Variants in AGBL4 observed in about 807,000 individuals in gnomAD.
AGBL4 encodes AGBL carboxypeptidase 4.
In AGBL4, 58 loss-of-function variants were observed where a neutral mutation model predicts 66.4. The observed-to-expected ratio is 0.87, with a 90% CI of 0.71 to 1.09. The LOEUF is 1.09. Among genes scored for constraint, AGBL4 ranks in the 50% least tolerant of loss-of-function variants. The pLI is 0.00. For missense variants in AGBL4, 579 were observed against 631.0 expected (o/e 0.92, Z 0.88); for synonymous variants, 234 against 222.9 (o/e 1.05, Z -0.44).
chr1:49,119,754 G>C (rs909142846), intron 4 of AGBL4, among the ~76,000 whole-genome samples: 2 of 152,112 alleles, frequency 1.3e-5, no homozygotes, highest in Admixed American at 6.6e-5. Flanking sequence ...GGATATCTTT[G>C]TTACCCTGCT....
chr1:48,870,121 T>C (rs1405153521), intron 5 of AGBL4, among the ~76,000 whole-genome samples: 1 of 152,082 alleles, frequency 6.6e-6, no homozygotes, highest in Non-Finnish European at 1.5e-5. Flanking sequence ...AAGTCTTCTT[T>C]GAACACCACC....
chr1:49,212,030 G>C (rs758862310), intron 4 of AGBL4, among the ~76,000 whole-genome samples: 15 of 152,020 alleles, frequency 9.9e-5, no homozygotes, highest in Non-Finnish European at 1.9e-4. Flanking sequence ...TGATTTTACA[G>C]ATGGTGAAAC....
chr1:49,406,061 C>T (rs1645190326), intron 3 of AGBL4, among the ~76,000 whole-genome samples: 1 of 152,194 alleles, frequency 6.6e-6, no homozygotes, highest in Non-Finnish European at 1.5e-5. Flanking sequence ...AACATAGCAG[C>T]AATGTATTCC....
intron 6 of AGBL4, among the ~76,000 whole-genome samples, chr1:48,791,138 T>G (rs1645540202): frequency 6.6e-6 from 1 of 152,216 alleles, no homozygotes; most frequent in East Asian, 1.9e-4. Flanking sequence ...ACCAAATCAA[T>G]AATGAAGCTC....
chr1:49,344,884 A>G (rs2148510417), intron 3 of AGBL4, among the ~76,000 whole-genome samples: 1 of 152,332 alleles, frequency 6.6e-6, no homozygotes, highest in South Asian at 2.1e-4. Context: ...GAAAAGAGAC[A>G]ACATGAGTAA....
intron 9 of AGBL4, among the ~76,000 whole-genome samples, chr1:48,595,488 G>A (rs936562143): frequency 6.6e-6 from 1 of 152,184 alleles, no homozygotes; most frequent in Non-Finnish European, 1.5e-5. Flanking sequence ...CAAATGTAGG[G>A]CCCTGAATTA....
At chr1:48,902,364 A>G (rs1225107172) in intron 5 of AGBL4, among the ~76,000 whole-genome samples, 2 of 152,332 alleles carry the variant, frequency 1.3e-5, no homozygotes, top group Non-Finnish European at 2.9e-5. Context: ...GGAAGGCACA[A>G]GTGAGTTTAC....
chr1:50,014,744 C>T (rs1461611107), intron 1 of AGBL4, among the ~76,000 whole-genome samples: 1 of 151,852 alleles, frequency 6.6e-6, no homozygotes, highest in African/African-American at 2.4e-5. Context: ...AGGCTGGTCT[C>T]GAACTCCTGA....
intron 11 of AGBL4, among the ~76,000 whole-genome samples, chr1:48,568,614 C>T (rs2798108): frequency 0.22 from 32,769 of 152,106 alleles, 4,142 homozygotes; most frequent in Middle Eastern, 0.35. Context: ...ATTAGTGGGG[C>T]TAGGAAGAAT....
intron 4 of AGBL4, among the ~76,000 whole-genome samples, chr1:49,172,932 C>A (rs921807894): frequency 1.9e-4 from 29 of 151,942 alleles, no homozygotes; most frequent in African/African-American, 5.8e-4. Flanking sequence ...TTGAGACCAG[C>A]CTGACCAAAA....
intron 4 of AGBL4, among the ~76,000 whole-genome samples, chr1:49,209,465 T>A (rs1648496063): frequency 6.6e-6 from 1 of 152,132 alleles, no homozygotes; most frequent in African/African-American, 2.4e-5. Flanking sequence ...CCCTCATTTT[T>A]GATACTCTAT....
chr1:48,594,910 T>TA (rs1644972761), intron 9 of AGBL4, among the ~76,000 whole-genome samples: 1 of 151,888 alleles, frequency 6.6e-6, no homozygotes, highest in Non-Finnish European at 1.5e-5. Flanking sequence ...TAGCTACACG[T>TA]AAAAAAATGA....
intron 1 of AGBL4, among the ~76,000 whole-genome samples, chr1:49,893,573 C>G (rs1162773327): frequency 2.6e-5 from 4 of 152,130 alleles, no homozygotes; most frequent in Non-Finnish European, 5.9e-5. Flanking sequence ...CGAACATTGA[C>G]AATAGCCTGA....
intron 5 of AGBL4, among the ~76,000 whole-genome samples, chr1:48,991,331 C>G (rs532043120): frequency 1.1e-4 from 16 of 152,176 alleles, no homozygotes; most frequent in Non-Finnish European, 1.3e-4. Context: ...TGTGAGGTTT[C>G]CACTGAAAAG....
chr1:49,939,052 C>T (rs964147877), intron 1 of AGBL4, among the ~76,000 whole-genome samples: 3 of 151,968 alleles, frequency 2.0e-5, no homozygotes, highest in Non-Finnish European at 2.9e-5. Flanking sequence ...TTCTTATACA[C>T]CAATAACCGA....
At chr1:49,826,013 T>C (rs1362932316) in intron 2 of AGBL4, among the ~76,000 whole-genome samples, 3 of 152,170 alleles carry the variant, frequency 2.0e-5, no homozygotes, top group African/African-American at 7.2e-5. Flanking sequence ...TTCCACTAGC[T>C]ACACGATTTT....
intron 5 of AGBL4, among the ~76,000 whole-genome samples, chr1:49,014,792 T>A (rs78824927): frequency 0.028 from 4,203 of 152,238 alleles, 170 homozygotes; most frequent in African/African-American, 0.096. Context: ...ATATGAGCAG[T>A]AGCCATATAA....
At chr1:49,367,234 G>A (rs990262444) in intron 3 of AGBL4, among the ~76,000 whole-genome samples, 1 of 152,200 alleles carries the variant, frequency 6.6e-6, no homozygotes, top group Admixed American at 6.5e-5. Context: ...GAAACTGGTG[G>A]GAGGTATTTG....
intron 3 of AGBL4, among the ~76,000 whole-genome samples, chr1:49,348,694 G>T (rs1645688858): frequency 6.6e-6 from 1 of 152,196 alleles, no homozygotes; most frequent in African/African-American, 2.4e-5. Flanking sequence ...TGAAAGAATA[G>T]ATTTCCATAG....
Sources: allele counts gnomAD v4.1 joint callset (sites outside exome capture counted in the v4.1 genomes callset), GRCh38; gene constraint gnomAD v4.1.1; transcripts MANE v1.5; gene names NCBI Gene and HGNC (gene_info 2026-07-23, HGNC 2026-07-21).